The following LSAMP variants were observed in gnomAD, a reference collection of about 807,000 sequenced individuals.
LSAMP encodes the protein limbic system-associated membrane protein.
In LSAMP, 7 loss-of-function variants were observed where a neutral mutation model predicts 38.6. The observed-to-expected ratio is 0.18, with a 90% confidence interval of 0.10 to 0.34. The LOEUF (loss-of-function observed/expected upper bound fraction) is 0.34. Ranked by LOEUF, LSAMP falls within the 10% of genes least tolerant of loss-of-function variation. The pLI is 1.00. For missense variants in LSAMP, 313 were observed against 420.0 expected, an observed-to-expected ratio of 0.75 and a Z score of 2.23; for synonymous variants, 154 against 166.8, an observed-to-expected ratio of 0.92 and a Z score of 0.59.
chr3:115,956,021 AG>A (rs1484161542), intron 3 of LSAMP, among the ~76,000 whole-genome samples: 1 of 152,162 alleles, frequency 6.6e-6, no homozygotes, highest in Non-Finnish European at 1.5e-5. Context: ...GCCCTAGAAG[AG>A]GCTTACCAGT....
chr3:116,429,443 T>A (rs564743728), intron 1 of LSAMP, among the ~76,000 whole-genome samples: 2 of 152,326 alleles, frequency 1.3e-5, no homozygotes, highest in Admixed American at 1.3e-4. Flanking sequence ...AGTGGTTTTT[T>A]TTAATTATAA....
intron 3 of LSAMP, among the ~76,000 whole-genome samples, chr3:115,888,268 T>C (rs1018312227): frequency 1.3e-5 from 2 of 152,000 alleles, no homozygotes; most frequent in African/African-American, 2.4e-5. Flanking sequence ...TGTCAATTAA[T>C]TATTTTGTCA....
intron 3 of LSAMP, among the ~76,000 whole-genome samples, chr3:115,973,486 A>G (rs1050595054): frequency 6.6e-6 from 1 of 152,154 alleles, no homozygotes; most frequent in African/African-American, 2.4e-5. Context: ...TAATCCCAGC[A>G]CTTTGGGAGG....
chr3:116,197,163 A>ACACC (rs1268040540), intron 1 of LSAMP, among the ~76,000 whole-genome samples: 1 of 139,088 alleles, frequency 7.2e-6, no homozygotes, highest in Non-Finnish European at 1.6e-5. Flanking sequence ...ACACACACAC[A>ACACC]CTCTCTCTCT....
At chr3:115,950,152 A>C (rs1938235075) in intron 3 of LSAMP, among the ~76,000 whole-genome samples, 1 of 147,866 alleles carries the variant, frequency 6.8e-6, no homozygotes, top group Non-Finnish European at 1.5e-5. Flanking sequence ...AAGTTGAAAG[A>C]AATCCCCCTG....
At chr3:115,822,470 C>T (rs1050755099) in intron 6 of LSAMP, among the ~76,000 whole-genome samples, 4 of 151,328 alleles carry the variant, frequency 2.6e-5, no homozygotes, top group Non-Finnish European at 5.9e-5. Context: ...AAGCAATTAT[C>T]CTGCCTCAGC....
At chr3:116,107,230 T>C (rs1225411364) in intron 1 of LSAMP, among the ~76,000 whole-genome samples, 1 of 152,078 alleles carries the variant, frequency 6.6e-6, no homozygotes, top group Non-Finnish European at 1.5e-5. Flanking sequence ...ACAATGGTAA[T>C]TGTGGGACTT....
In LSAMP at chr3:116,025,675, A is replaced by G. The variant is rs919106721; in HGVS notation, c.389-6035T>C. ...TATAATTTTTTAGCCAATGTCCACAATACCATTTGTTGAATGATGTAAAGT... is the reference window on the plus strand; with the variant it reads ...TATAATTTTTTAGCCAATGTCCACAGTACCATTTGTTGAATGATGTAAAGT... On this transcript the variant is annotated intron_variant, in intron 2 of 6. Coordinates refer to ENST00000490035, the MANE Select transcript of LSAMP (RefSeq NM_002338.5). Among the ~76,000 whole-genome samples the G allele has an allele frequency of 2.6e-5, 4 of 152,104 alleles. No individual in the cohort carries two copies. In the East Asian group the frequency reaches 7.7e-4, roughly 29 times the overall value.
At chr3:116,279,827 A>T (rs896519524) in intron 1 of LSAMP, among the ~76,000 whole-genome samples, 2 of 152,206 alleles carry the variant, frequency 1.3e-5, no homozygotes, top group Admixed American at 1.3e-4. Flanking sequence ...GAACTCTGCT[A>T]TAAATGATTT....
intron 2 of LSAMP, among the ~76,000 whole-genome samples, chr3:116,077,402 AT>A (rs1475708051): frequency 1.3e-5 from 2 of 152,028 alleles, no homozygotes; most frequent in African/African-American, 4.8e-5. Flanking sequence ...TATCCTATGT[AT>A]TTTGTTCCTC....
At chr3:116,341,914 T>C (rs1224227559) in intron 1 of LSAMP, among the ~76,000 whole-genome samples, 3 of 152,036 alleles carry the variant, frequency 2.0e-5, no homozygotes, top group Non-Finnish European at 4.4e-5. Context: ...GAGCTGAACA[T>C]GTATTGGCTG....
chr3:116,183,608 A>G (rs1710541748), intron 1 of LSAMP, among the ~76,000 whole-genome samples: 1 of 151,832 alleles, frequency 6.6e-6, no homozygotes, highest in Admixed American at 6.6e-5. Flanking sequence ...TGATAATGGT[A>G]GTATTTACCT....
At chr3:116,084,651 A>ATTGT (rs1707948384) in intron 2 of LSAMP, among the ~76,000 whole-genome samples, 1 of 152,138 alleles carries the variant, frequency 6.6e-6, no homozygotes, top group Non-Finnish European at 1.5e-5. Context: ...AAATTTATTC[A>ATTGT]GTATAGGATA....
chr3:116,194,444 G>A (rs1710831482), intron 1 of LSAMP, among the ~76,000 whole-genome samples: 1 of 152,132 alleles, frequency 6.6e-6, no homozygotes, highest in South Asian at 2.1e-4. Flanking sequence ...GCCCAGGCTG[G>A]AGTACATTGG....
chr3:116,030,209 C>T (rs976925725), intron 2 of LSAMP, among the ~76,000 whole-genome samples: 4 of 152,072 alleles, frequency 2.6e-5, no homozygotes, highest in Non-Finnish European at 4.4e-5. Flanking sequence ...AGAATCTAAG[C>T]GAGTGTTCTA....
At chr3:116,020,919 C>T (rs1345577000) in intron 2 of LSAMP, among the ~76,000 whole-genome samples, 1 of 152,142 alleles carries the variant, frequency 6.6e-6, no homozygotes, top group Non-Finnish European at 1.5e-5. Flanking sequence ...CCATTAGAGA[C>T]TCTGTGTAGT....
At chr3:115,973,561 C>T (rs901535714) in intron 3 of LSAMP, among the ~76,000 whole-genome samples, 3 of 151,928 alleles carry the variant, frequency 2.0e-5, no homozygotes, top group African/African-American at 4.8e-5. Context: ...GGCGAAATGC[C>T]GTCTCTACTA....
intron 3 of LSAMP, among the ~76,000 whole-genome samples, chr3:115,986,017 T>C (rs977284186): frequency 1.3e-5 from 2 of 152,052 alleles, no homozygotes; most frequent in Non-Finnish European, 2.9e-5. Context: ...TTGGAAGAGA[T>C]GATCAAAGGA....
intron 3 of LSAMP, among the ~76,000 whole-genome samples, chr3:115,976,078 T>C (rs1290148346): frequency 1.3e-5 from 2 of 152,186 alleles, no homozygotes; most frequent in East Asian, 3.9e-4. Flanking sequence ...CAGGAGGCAA[T>C]TGAAATCTTC....
Sources: allele counts gnomAD v4.1 joint callset (sites outside exome capture counted in the v4.1 genomes callset), GRCh38; gene constraint gnomAD v4.1.1; transcripts MANE v1.5; gene names NCBI Gene and HGNC (gene_info 2026-07-23, HGNC 2026-07-21).